TAFA1: variants seen among roughly 807,000 people sequenced by gnomAD.
TAFA1 encodes chemokine-like protein TAFA-1.
A neutral mutation model predicts 18.5 loss-of-function variants in TAFA1; 4 were observed. That is an observed-to-expected ratio of 0.22 (90% confidence interval 0.11 to 0.49). The LOEUF (loss-of-function observed/expected upper bound fraction) is 0.49. Ranked by LOEUF, TAFA1 falls within the 20% of genes least tolerant of loss-of-function variation. TAFA1 has a pLI of 0.98. For missense variants in TAFA1, 147 were observed against 169.0 expected, an observed-to-expected ratio of 0.87 and a Z score of 0.72; for synonymous variants, 56 against 55.2, an observed-to-expected ratio of 1.01 and a Z score of -0.06.
chr3:68,362,139 T>C (rs997158330), intron 2 of TAFA1, among the ~76,000 whole-genome samples: 2 of 152,176 alleles, frequency 1.3e-5, no homozygotes, highest in Non-Finnish European at 2.9e-5. Flanking sequence ...ACTATACCTA[T>C]GAATTTATAA....
At chr3:68,288,571 C>T (rs1283278442) in intron 2 of TAFA1, among the ~76,000 whole-genome samples, 1 of 152,218 alleles carries the variant, frequency 6.6e-6, no homozygotes, top group Non-Finnish European at 1.5e-5. Flanking sequence ...TGTCTATCCT[C>T]TATTTCTCAT....
intron 2 of TAFA1, among the ~76,000 whole-genome samples, chr3:68,375,810 T>C (rs1254231731): frequency 6.6e-6 from 1 of 152,180 alleles, no homozygotes. Context: ...ATTTTTTGTA[T>C]GTGCATATAT....
At chr3:68,293,162 T>G (rs1158098707) in intron 2 of TAFA1, among the ~76,000 whole-genome samples, 1 of 152,176 alleles carries the variant, frequency 6.6e-6, no homozygotes, top group South Asian at 2.1e-4. Context: ...TGAGATGCTT[T>G]AATAGTATAA....
chr3:68,222,696 A>G (rs1438744564), intron 2 of TAFA1, among the ~76,000 whole-genome samples: 3 of 151,808 alleles, frequency 2.0e-5, no homozygotes, highest in Admixed American at 6.6e-5. Context: ...TTATTTATTT[A>G]TTTGTTTATT....
chr3:68,129,938 T>C (rs1027708595), intron 2 of TAFA1, among the ~76,000 whole-genome samples: 4 of 152,242 alleles, frequency 2.6e-5, no homozygotes, highest in Non-Finnish European at 5.9e-5. Context: ...AAGGCTCTGA[T>C]AAGTCCTGCA....
At chr3:67,991,867 T>C in the TAFA1 span, among the ~76,000 whole-genome samples, 1 of 152,220 alleles carries the variant, frequency 6.6e-6, no homozygotes, top group South Asian at 2.1e-4. Flanking sequence ...TATACCTATA[T>C]CTATATCATC....
intron 2 of TAFA1, among the ~76,000 whole-genome samples, chr3:68,302,800 A>G (rs2068329699): frequency 6.6e-6 from 1 of 152,194 alleles, no homozygotes; most frequent in Non-Finnish European, 1.5e-5. Flanking sequence ...ACCAGCAAGG[A>G]AATCATTTTC....
At chr3:68,403,265 C>T (rs1402789172) in intron 2 of TAFA1, among the ~76,000 whole-genome samples, 2 of 152,316 alleles carry the variant, frequency 1.3e-5, no homozygotes, top group East Asian at 3.9e-4. Context: ...GTTACCTTGT[C>T]ATTAAGTGAG....
At chr3:68,457,424 G>A (rs551310774) in intron 3 of TAFA1, among the ~76,000 whole-genome samples, 2 of 152,206 alleles carry the variant, frequency 1.3e-5, no homozygotes, top group African/African-American at 4.8e-5. Flanking sequence ...TCTAGGCTAC[G>A]TAGTTCATCT....
chr3:68,174,926 C>T (rs1160364167), intron 2 of TAFA1, among the ~76,000 whole-genome samples: 2 of 152,170 alleles, frequency 1.3e-5, no homozygotes, highest in East Asian at 3.9e-4. Flanking sequence ...GAGCTGAACC[C>T]AGGGTTCTCC....
At chr3:68,329,554 T>G (rs564181403) in intron 2 of TAFA1, among the ~76,000 whole-genome samples, 2 of 152,304 alleles carry the variant, frequency 1.3e-5, no homozygotes, top group Non-Finnish European at 2.9e-5. Flanking sequence ...GCCACAGTTC[T>G]TGACTATCAG....
intron 2 of TAFA1, among the ~76,000 whole-genome samples, chr3:68,044,906 A>G (rs958332589): frequency 7.2e-5 from 11 of 152,250 alleles, no homozygotes; most frequent in Admixed American, 1.3e-4. Flanking sequence ...AGTAATTATT[A>G]TCACATGTTC....
At chr3:68,009,022 C>A (rs1463577149) in intron 2 of TAFA1, among the ~76,000 whole-genome samples, 3 of 152,164 alleles carry the variant, frequency 2.0e-5, no homozygotes, top group Non-Finnish European at 4.4e-5. Flanking sequence ...TTACTGATGT[C>A]CCCCCTTAAT....
At chr3:68,036,747 C>T (rs766757533) in intron 2 of TAFA1, among the ~76,000 whole-genome samples, 10 of 152,232 alleles carry the variant, frequency 6.6e-5, no homozygotes, top group Non-Finnish European at 8.8e-5. Flanking sequence ...CTGCCCTGCC[C>T]CCAAATCTTG....
At chr3:68,235,753 G>T (rs2066920872) in intron 2 of TAFA1, among the ~76,000 whole-genome samples, 1 of 152,126 alleles carries the variant, frequency 6.6e-6, no homozygotes, top group African/African-American at 2.4e-5. Flanking sequence ...TTGGTAAAAA[G>T]AAACTGTCTT....
chr3:68,314,375 A>G (rs974332524), intron 2 of TAFA1, among the ~76,000 whole-genome samples: 3 of 152,202 alleles, frequency 2.0e-5, no homozygotes, highest in African/African-American at 7.2e-5. Flanking sequence ...CCACTTTGCT[A>G]CAGAGTTACA....
At chr3:68,329,111 G>A (rs1320781934) in intron 2 of TAFA1, among the ~76,000 whole-genome samples, 1 of 146,420 alleles carries the variant, frequency 6.8e-6, no homozygotes, top group Non-Finnish European at 1.5e-5. Context: ...TTGGGACAGA[G>A]TCTCACTCCG....
chr3:68,544,351 T>A, intron 4 of TAFA1, 135 bp from the exon 5 acceptor site: 1 of 785,930 alleles, frequency 1.3e-6, no homozygotes, highest in Non-Finnish European at 2.1e-6. Flanking sequence ...ACTTTAAGAT[T>A]TTTGACTTCA....
At chr3:68,313,923 A>G (rs1486578729) in intron 2 of TAFA1, among the ~76,000 whole-genome samples, 4 of 152,236 alleles carry the variant, frequency 2.6e-5, no homozygotes, top group African/African-American at 9.6e-5. Flanking sequence ...TAGCCTGCAG[A>G]TATCAAATAT....
Sources: allele counts gnomAD v4.1 joint callset (sites outside exome capture counted in the v4.1 genomes callset), GRCh38; gene constraint gnomAD v4.1.1; transcripts MANE v1.5; gene names NCBI Gene and HGNC (gene_info 2026-07-23, HGNC 2026-07-21).